The following ZNF845 variants were observed in gnomAD, a reference collection of about 807,000 sequenced individuals.
The protein encoded by ZNF845 is zinc finger protein 845.
A neutral mutation model predicts 76.1 loss-of-function variants in ZNF845; 59 were observed. That is an observed-to-expected ratio of 0.78 (90% CI 0.63 to 0.96). The LOEUF is 0.96. ZNF845 is among the 40% of genes least tolerant of loss of function. The pLI, the probability that ZNF845 is intolerant of heterozygous loss-of-function variation, is 0.00. For missense variants in ZNF845, 1,045 were observed against 1,172.8 expected (o/e 0.89, Z 1.59); for synonymous variants, 361 against 386.9 (o/e 0.93, Z 0.78).
chr19:53,338,008 C>G (rs551421118), intron 1 of ZNF845, among the ~76,000 whole-genome samples: 1 of 152,170 alleles, frequency 6.6e-6, no homozygotes, highest in South Asian at 2.1e-4. Context: ...CCCAGAGATG[C>G]CTTTCTGCAT....
chr19:53,336,440 G>T (rs2147028198), intron 1 of ZNF845, among the ~76,000 whole-genome samples: 1 of 152,184 alleles, frequency 6.6e-6, no homozygotes, highest in South Asian at 2.1e-4. Context: ...AACTTGGGAG[G>T]TAGAGGTTGC....
chr19:53,347,598 C>T (rs2085305939), intron 3 of ZNF845, among the ~76,000 whole-genome samples: 1 of 152,168 alleles, frequency 6.6e-6, no homozygotes, highest in East Asian at 1.9e-4. Context: ...CAGCCAGCCT[C>T]ACAGTTTTTA....
rs1329687655 is a variant in ZNF845 at position 53,356,498 on chromosome 19, A to G, written c.*2910A>G. 6.6e-6 allele frequency: 1 copy of G among 152,336 alleles called. No homozygotes were observed. The highest frequency in any genetic ancestry group is 1.5e-5 in the Non-Finnish European group (1 of 68,138). The allele number at this position is 152,336 out of a possible 1,614,324, so 9.4% of individuals were successfully genotyped here. On this transcript the variant is annotated 3_prime_UTR_variant, in exon 4 of 4. Transcript: ENST00000458035. ...GGCTGAAGTGAGCCCTGATCTCACC[A>G]CTGCACTCCAGCCTGGGTGACAGAG...
Position 53,353,933 on chromosome 19 carries a change from T to C in ZNF845, c.*345T>C. 3.7e-6 allele frequency: 3 copies of C among 803,200 alleles called. No individual in the cohort carries two copies. The South Asian group carries it at 5.2e-5, about 14-fold the overall frequency. The allele number at this position is 803,200 out of a possible 1,614,324, so 49.8% of individuals were successfully genotyped here. On this transcript the variant is annotated 3_prime_UTR_variant, in exon 4 of 4. Transcript: ENST00000458035. ...TGAGAGATTTTGAAAGTGTAATAAA[T>C]GTGGCAAATTTTTCAGACATTGTTC... is the stretch of plus-strand genomic sequence containing the variant.
intron 3 of ZNF845, among the ~76,000 whole-genome samples, chr19:53,349,577 T>C (rs537494342): frequency 1.3e-5 from 2 of 152,312 alleles, no homozygotes; most frequent in East Asian, 1.9e-4. Flanking sequence ...TGTGGCTTTT[T>C]TCTTAATAGG....
In ZNF845 at chr19:53,355,085, T is replaced by C. The variant is rs2085375419; in HGVS notation, c.*1497T>C. The C allele has an allele frequency of 6.6e-6, 1 of 152,070 alleles. No homozygotes were observed. The highest frequency in any genetic ancestry group is 2.4e-5 in the African/African-American group (1 of 41,366). 9.4% of individuals were successfully genotyped at this position (152,070 alleles called of 1,614,324 possible). On this transcript the variant is annotated 3_prime_UTR_variant, in exon 4 of 4. Transcript: ENST00000458035. The stretch of plus-strand genomic sequence containing the variant: ...CCACCATGTCCGTATAATTTTTTTG[T>C]ATTTTTAGTAGAGACGGGGTTTCAC...
At chr19:53,347,313 G>A (rs1407975985) in intron 3 of ZNF845, among the ~76,000 whole-genome samples, 15 of 142,350 alleles carry the variant, frequency 1.1e-4, no homozygotes, top group African/African-American at 3.4e-4. Context: ...GAGTCTGTCT[G>A]TTGCCCAGGC....
intron 3 of ZNF845, among the ~76,000 whole-genome samples, chr19:53,349,799 G>A (rs1330590674): frequency 6.6e-6 from 1 of 152,090 alleles, no homozygotes; most frequent in Non-Finnish European, 1.5e-5. Flanking sequence ...AGTTTGGGAG[G>A]CTCAGGCGCC....
chr19:53,340,449 C>G (rs367882168), intron 1 of ZNF845, among the ~76,000 whole-genome samples: 2 of 152,116 alleles, frequency 1.3e-5, no homozygotes, highest in East Asian at 3.9e-4. Flanking sequence ...CTCCTTAACT[C>G]TCTGCTGGGA....
chr19:53,338,311 C>T (rs1174720074), intron 1 of ZNF845, among the ~76,000 whole-genome samples: 1 of 152,176 alleles, frequency 6.6e-6, no homozygotes, highest in Non-Finnish European at 1.5e-5. Flanking sequence ...CAGGCAGTGC[C>T]GAGGCATCTC....
intron 1 of ZNF845, among the ~76,000 whole-genome samples, chr19:53,337,549 T>G (rs1393882313): frequency 6.6e-6 from 1 of 151,878 alleles, no homozygotes; most frequent in Non-Finnish European, 1.5e-5. Context: ...GCCAGCTAAT[T>G]TTTGTATTTT....
intron 1 of ZNF845, among the ~76,000 whole-genome samples, chr19:53,334,012 G>A (rs1387399959): frequency 1.3e-5 from 2 of 152,222 alleles, no homozygotes; most frequent in African/African-American, 4.8e-5. Context: ...ATAGGGCAAT[G>A]TATACACTTC....
At chr19:53,345,458 T>C in intron 2 of ZNF845, 48 bp from the exon 3 acceptor site, 3 of 1,613,174 alleles carry the variant, frequency 1.9e-6, no homozygotes, top group Non-Finnish European at 1.7e-6. Flanking sequence ...CGTGTAAAGA[T>C]AAGAACTCCT....
At chr19:53,344,267 G>A (rs1021376569) in intron 2 of ZNF845, among the ~76,000 whole-genome samples, 9 of 152,120 alleles carry the variant, frequency 5.9e-5, no homozygotes, top group East Asian at 5.8e-4. Context: ...GGCCAGGCAC[G>A]GTGGATCACG....
In ZNF845 at chr19:53,341,470, C is replaced by G. The variant is rs3746309; in HGVS notation, c.15+148C>G. 7.0e-6 allele frequency: 9 copies of G among 1,278,294 alleles called. No individual in the cohort carries two copies. In the Admixed American group the frequency reaches 1.8e-4, roughly 26 times the overall value. The allele number at this position is 1,278,294 out of a possible 1,614,324, so 79.2% of individuals were successfully genotyped here. A position where few individuals can be genotyped will look rare whatever the true frequency, so the allele number is the denominator to read the frequency against. ...TGCCTTCCCTCAGTCCCTCTCATCT[C>G]GCTTAGATTCCATCTCTTGTGACAC... On this transcript the variant is annotated intron_variant, in intron 2 of 3. Coordinates refer to ENST00000458035, the MANE Select transcript of ZNF845 (RefSeq NM_138374.3).
Position 53,341,335 on chromosome 19 carries a change from G to T in ZNF845, c.15+13G>T, listed in dbSNP as rs1568734980. 25 of 1,613,872 alleles carry T rather than the reference G, an allele frequency of 1.5e-5. No homozygotes were observed. The East Asian group carries it at 5.6e-4, about 36-fold the overall frequency. On this transcript the variant is annotated intron_variant, in intron 2 of 3. Coordinates refer to ENST00000458035, the MANE Select transcript of ZNF845 (RefSeq NM_138374.3). Reference sequence around the variant, plus strand: ...GGCTCTTTCTCAGGTGAGATGATATGTTGGGTGGATTGTTCTGTCTCCTTC... The same window carrying T: ...GGCTCTTTCTCAGGTGAGATGATATTTTGGGTGGATTGTTCTGTCTCCTTC...
chr19:53,351,289 A>G lies in ZNF845; in HGVS notation c.614A>G (p.Lys205Arg). ...CTGAATTCTTCATTACTCACACAAA[A>G]GCAGGAAGTACACATGAGAGAAAAA... Reference protein sequence around the residue: ...NFLNSSLLTQKQEVHMREKSF... With the variant: ...NFLNSSLLTQRQEVHMREKSF... The change falls in exon 4 of 4, where the codon AAG (lysine) becomes AGG (arginine). Residue 205 changes from lysine (K) to arginine (R), a missense_variant. Transcript: ENST00000458035. 1 of 1,614,254 alleles carries G rather than the reference A, an allele frequency of 6.2e-7. No individual in the cohort carries two copies. The highest frequency in any genetic ancestry group is 8.5e-7 in the Non-Finnish European group (1 of 1,180,042).
chr19:53,338,042 C>T (rs2085228392), intron 1 of ZNF845, among the ~76,000 whole-genome samples: 1 of 152,062 alleles, frequency 6.6e-6, no homozygotes, highest in Admixed American at 6.6e-5. Flanking sequence ...TGTTTTGTGT[C>T]TCCCTTCTTT....
At position 53,351,911 on chromosome 19, in the gene ZNF845, G is replaced by A. The variant is rs779652473; in HGVS notation, c.1236G>A (p.Lys412=). ...RRLHTGEKPY[K]CNDCGKTFSQ... The stretch of plus-strand genomic sequence containing the variant: ...TTCATACTGGAGAGAAACCTTATAA[G>A]TGTAATGATTGTGGCAAGACCTTCA... Residue 412 remains lysine (K), a synonymous_variant, in exon 4 of 4, where the codon AAG becomes AAA. Transcript: ENST00000458035. 31 of 1,613,444 alleles carry A rather than the reference G, an allele frequency of 1.9e-5. No individual in the cohort carries two copies. In the Middle Eastern group the frequency reaches 6.6e-4, roughly 34 times the overall value.
Sources: allele counts gnomAD v4.1 joint callset (sites outside exome capture counted in the v4.1 genomes callset), GRCh38; gene constraint gnomAD v4.1.1; transcripts MANE v1.5; gene names NCBI Gene and HGNC (gene_info 2026-07-23, HGNC 2026-07-21).